The following RETREG1 variants were observed in gnomAD, a reference collection of about 807,000 sequenced individuals.
RETREG1 encodes the protein reticulophagy regulator 1, also known as family with sequence similarity 134 member B.
A neutral mutation model predicts 54.8 loss-of-function variants in RETREG1; 44 were observed. That is an observed-to-expected ratio of 0.80 (90% CI 0.63 to 1.03). RETREG1 has a LOEUF of 1.03. RETREG1 is among the 50% of genes least tolerant of loss of function. The pLI, the probability that RETREG1 is intolerant of heterozygous loss-of-function variation, is 0.00. For missense variants in RETREG1, 554 were observed against 605.1 expected (o/e 0.92, Z 0.89); for synonymous variants, 217 against 238.5 (o/e 0.91, Z 0.83).
chr5:16,515,760 A>G lies in RETREG1; in HGVS notation c.459-32288T>C, dbSNP rs115118950. 5.5e-3 allele frequency among the ~76,000 whole-genome samples: 837 copies of G among 152,312 alleles called. 2 individuals carry two copies. The highest frequency in any genetic ancestry group is 0.019 in the African/African-American group (779 of 41,564). On this transcript the variant is annotated intron_variant, in intron 3 of 8. Transcript: ENST00000306320. ...TACTCAACATATAGTCTGCAGTCAC[A>G]TGATTTCCCAGCCCCAGAGCAAATT...
In RETREG1 at chr5:16,473,378, C is replaced by T. The variant is rs866731919; in HGVS notation, c.*1363G>A. Reference sequence around the variant, plus strand: ...AAGAAAAAATAAATAAGAGTAGCTACATTAAAATGTCAGATTACTTATAAT... The same window carrying T: ...AAGAAAAAATAAATAAGAGTAGCTATATTAAAATGTCAGATTACTTATAAT... On this transcript the variant is annotated 3_prime_UTR_variant, in exon 9 of 9. Transcript: ENST00000306320. 4.6e-5 allele frequency: 7 copies of T among 152,548 alleles called. No individual in the cohort carries two copies. Among genetic ancestry groups the T allele is most frequent in the African/African-American group, 1.4e-4 (6 of 41,420 alleles). 9.4% of individuals were successfully genotyped at this position (152,548 alleles called of 1,614,324 possible).
chr5:16,589,687 A>G (rs1405137238), intron 1 of RETREG1, among the ~76,000 whole-genome samples: 1 of 152,124 alleles, frequency 6.6e-6, no homozygotes, highest in East Asian at 1.9e-4. Context: ...CTTCTTTTCT[A>G]CCTGCCAGCA....
intron 3 of RETREG1, among the ~76,000 whole-genome samples, chr5:16,520,816 T>G (rs1375232623): frequency 6.6e-6 from 1 of 152,160 alleles, no homozygotes; most frequent in African/African-American, 2.4e-5. Context: ...TGCCCCTCAC[T>G]GGTGGCTTCA....
rs942227229 is a variant in RETREG1 at position 16,561,277 on chromosome 5, C to A, written c.458+4486G>T. Among the ~76,000 whole-genome samples, 24 of 152,038 alleles carry A rather than the reference C, an allele frequency of 1.6e-4. No homozygotes were observed. Among genetic ancestry groups the A allele is most frequent in the Admixed American group, 1.6e-3 (24 of 15,268 alleles). On this transcript the variant is annotated intron_variant, in intron 3 of 8. Transcript: ENST00000306320. This position sits in a 1 kb window ranked among gnomAD's most constrained non-coding sequence, Gnocchi z 4.2. ...CTTTGGGAGGCCGAGTCGGGCGGAT[C>A]ATGAGGTCAGGAGATCAAGACCATC...
chr5:16,497,565 T>C lies in RETREG1; in HGVS notation c.459-14093A>G, dbSNP rs141408518. Reference sequence around the variant, plus strand: ...CGCCAAGGTCATAAGCTTTACAACATTGGTAACTAACAGGGGTCGGGGGCA... The same window carrying C: ...CGCCAAGGTCATAAGCTTTACAACACTGGTAACTAACAGGGGTCGGGGGCA... On this transcript the variant is annotated intron_variant, in intron 3 of 8. Transcript: ENST00000306320. Among the ~76,000 whole-genome samples the C allele has an allele frequency of 1.1e-3, 175 of 152,282 alleles. 1 individual carries two copies. Among genetic ancestry groups the C allele is most frequent in the African/African-American group, 3.9e-3 (161 of 41,554 alleles).
chr5:16,500,300 G>A (rs114901424), intron 3 of RETREG1, among the ~76,000 whole-genome samples: 157 of 152,314 alleles, frequency 1.0e-3, no homozygotes, highest in African/African-American at 3.7e-3. Context: ...TTTGCCGCAT[G>A]CCTTTATCAA....
chr5:16,509,038 C>CTTTT (rs11403979), intron 3 of RETREG1: 231 of 920,598 alleles, frequency 2.5e-4, no homozygotes, highest in Middle Eastern at 5.6e-4. Context: ...CTTCCCCCGG[C>CTTTT]TTTTTTTTTT....
intron 1 of RETREG1, among the ~76,000 whole-genome samples, chr5:16,601,407 T>C (rs1241505314): frequency 2.0e-5 from 3 of 151,676 alleles, no homozygotes; most frequent in Non-Finnish European, 4.4e-5. Flanking sequence ...TTTTTTTTCT[T>C]TTTTTTTGAG....
intron 3 of RETREG1, among the ~76,000 whole-genome samples, chr5:16,506,031 G>A (rs1274319312): frequency 1.3e-5 from 2 of 152,186 alleles, no homozygotes; most frequent in South Asian, 2.1e-4. Context: ...GTCTCTCCTG[G>A]ACCTGCCCCC....
intron 3 of RETREG1, among the ~76,000 whole-genome samples, chr5:16,530,898 C>T (rs1450956759): frequency 6.6e-6 from 1 of 151,952 alleles, no homozygotes; most frequent in Non-Finnish European, 1.5e-5. Context: ...TTTAATCACA[C>T]ATTTTCCTTG....
At chr5:16,590,849 CACACAAA>C (rs1742746912) in intron 1 of RETREG1, among the ~76,000 whole-genome samples, 2 of 150,650 alleles carry the variant, frequency 1.3e-5, no homozygotes, top group Non-Finnish European at 3.0e-5. Flanking sequence ...CACACATGCA[CACACAAA>C]AAACACACAC....
chr5:16,579,405 T>C (rs889778890), intron 1 of RETREG1, among the ~76,000 whole-genome samples: 2 of 152,200 alleles, frequency 1.3e-5, no homozygotes, highest in East Asian at 3.9e-4. Flanking sequence ...TGGACACAAG[T>C]GTCTGCCTCT....
At chr5:16,577,859 G>A (rs1292039615) in intron 1 of RETREG1, among the ~76,000 whole-genome samples, 1 of 152,134 alleles carries the variant, frequency 6.6e-6, no homozygotes, top group Non-Finnish European at 1.5e-5. Context: ...TGCCTGCCAC[G>A]ATGTAAGACG....
intron 1 of RETREG1, among the ~76,000 whole-genome samples, chr5:16,590,853 C>T (rs894928921): frequency 6.6e-6 from 1 of 151,016 alleles, no homozygotes; most frequent in Non-Finnish European, 1.5e-5. Context: ...CATGCACACA[C>T]AAAAAACACA....
intron 3 of RETREG1, among the ~76,000 whole-genome samples, chr5:16,533,566 G>T (rs1433097041): frequency 2.0e-5 from 3 of 152,096 alleles, no homozygotes; most frequent in African/African-American, 7.2e-5. Flanking sequence ...AACCAACAGA[G>T]GTCCCAAAGG....
intron 1 of RETREG1, among the ~76,000 whole-genome samples, chr5:16,586,677 G>A (rs571766890): frequency 9.9e-5 from 15 of 152,180 alleles, no homozygotes; most frequent in East Asian, 5.8e-4. Context: ...TAGAGAATGC[G>A]GTGTAACAGA....
intron 3 of RETREG1, among the ~76,000 whole-genome samples, chr5:16,536,352 C>T (rs1056040660): frequency 6.6e-6 from 1 of 152,146 alleles, no homozygotes. Flanking sequence ...CACAAAAATG[C>T]TCTGAAGCTG....
intron 1 of RETREG1, among the ~76,000 whole-genome samples, chr5:16,615,604 C>G (rs981853730): frequency 3.9e-5 from 6 of 151,908 alleles, no homozygotes; most frequent in Non-Finnish European, 7.4e-5. Flanking sequence ...ACACAGATAC[C>G]TAAGAGATCC....
intron 3 of RETREG1, among the ~76,000 whole-genome samples, chr5:16,549,091 T>C (rs1741463249): frequency 6.6e-6 from 1 of 152,242 alleles, no homozygotes; most frequent in Admixed American, 6.5e-5. Flanking sequence ...GAAGAGCTTT[T>C]TTTCTATTCC....
Sources: allele counts gnomAD v4.1 joint callset (sites outside exome capture counted in the v4.1 genomes callset), GRCh38; gene constraint gnomAD v4.1.1; non-coding constraint Gnocchi (gnomAD v3.1); transcripts MANE v1.5; gene names NCBI Gene and HGNC (gene_info 2026-07-23, HGNC 2026-07-21).